ATRAID: variants seen among roughly 807,000 people sequenced by gnomAD.
ATRAID encodes the protein all-trans retinoic acid-induced differentiation factor.
A neutral mutation model predicts 28.8 loss-of-function variants in ATRAID; 26 were observed. The ratio of observed to expected loss-of-function variants is 0.90; its 90% CI spans 0.66 to 1.25. The LOEUF is 1.25. Among genes scored for constraint, ATRAID ranks in the 50% most tolerant of loss-of-function variants. ATRAID has a pLI of 0.00. For synonymous variants in ATRAID, 131 were observed against 108.5 expected, an observed-to-expected ratio of 1.21 and a Z score of -1.29; for missense variants, 308 against 285.9, an observed-to-expected ratio of 1.08 and a Z score of -0.56.
rs201498828 is a variant in ATRAID at position 27,212,400 on chromosome 2, C to T, written c.32C>T (p.Thr11Ile). Residue 11 changes from threonine (T) to isoleucine (I), a missense_variant, in exon 1 of 7, where the codon ACC becomes ATC. Thr to Ile is a moderately conservative substitution (Grantham distance 89). Coordinates refer to ENST00000380171, the MANE Select transcript of ATRAID (RefSeq NM_001170795.4). ...CCTCACGACCCGGGTAGTCTTACGA[C>T]CCTGGTGCCCTGGGCTGCCGCCCTG... Reference protein sequence around the residue: MAPHDPGSLTTLVPWAAALLL... With the variant: MAPHDPGSLTILVPWAAALLL... The T allele has an allele frequency of 1.2e-3, 1,795 of 1,551,496 alleles. 16 individuals are homozygous for T. The Middle Eastern group carries it at 0.029, about 25-fold the overall frequency.
At chr2:27,212,705 G>A (rs970066599) in intron 1 of ATRAID, 11 of 1,288,114 alleles carry the variant, frequency 8.5e-6, no homozygotes, top group Middle Eastern at 2.8e-4. Context: ...CTTAATTTTA[G>A]AATAACTTTA....
At position 27,214,015 on chromosome 2, in the gene ATRAID, G is replaced by A. The variant is rs537066274; in HGVS notation, c.221+717G>A. Among the ~76,000 whole-genome samples, 5 of 152,098 alleles carry A rather than the reference G, an allele frequency of 3.3e-5. No individual in the cohort carries two copies. The East Asian group carries it at 7.7e-4, about 23-fold the overall frequency. On this transcript the variant is annotated intron_variant, in intron 2 of 6. Coordinates refer to ENST00000380171, the MANE Select transcript of ATRAID (RefSeq NM_001170795.4). The stretch of plus-strand genomic sequence containing the variant: ...GGCTGGAATGCAATGGCATGATCTC[G>A]GCTCACCGCGCCCTCCACCTCCTGG...
chr2:27,213,303 G>A lies in ATRAID; in HGVS notation c.221+5G>A. The stretch of plus-strand genomic sequence containing the variant: ...TCAGAAGGGCACCATCTTGGGGTGA[G>A]GGGAAGACATCCCTAGATGCTGGAT... On this transcript the variant is annotated splice_donor_5th_base_variant and intron_variant, in intron 2 of 6. Transcript: ENST00000380171. 2 of 1,612,486 alleles carry A rather than the reference G, an allele frequency of 1.2e-6. No individual in the cohort carries two copies. Among genetic ancestry groups the A allele is most frequent in the Non-Finnish European group, 1.7e-6 (2 of 1,178,706 alleles).
intron 2 of ATRAID, among the ~76,000 whole-genome samples, chr2:27,214,909 T>C (rs1674763838): frequency 6.6e-6 from 1 of 152,160 alleles, no homozygotes; most frequent in Non-Finnish European, 1.5e-5. Flanking sequence ...ACGTGGTTAT[T>C]CCATTTGCAC....
Position 27,215,648 on chromosome 2 carries a change from G to C in ATRAID, c.382G>C (p.Val128Leu), listed in dbSNP as rs776772424. 18 of 1,614,116 alleles carry C rather than the reference G, an allele frequency of 1.1e-5. No individual in the cohort carries two copies. The highest frequency in any genetic ancestry group is 8.9e-5 in the East Asian group (4 of 44,900). Residue 128 changes from valine (V) to leucine (L), a missense_variant, in exon 5 of 7, where the codon GTC becomes CTC. Coordinates refer to ENST00000380171, the MANE Select transcript of ATRAID (RefSeq NM_001170795.4). ...QLQTLILPQH[V>L]NCPGGINAWN... ...TCTCTATAGGATACTGCCACAACAT[G>C]TCAACTGTCCTGGAGGAATTAATGC...
rs1297804423 is a variant in ATRAID at position 27,215,750 on chromosome 2, C to G, written c.484C>G (p.Pro162Ala). The change falls in exon 5 of 7, where the codon CCA becomes GCA. Residue 162 changes from proline (P) to alanine (A), a missense_variant. Physicochemically the swap from Pro to Ala is conservative, Grantham distance 27. Transcript: ENST00000380171. ...GAACCTTTGCAATAACACTGGGGAC[C>G]CAGGTATGCTGTCTTACCTCCAAAC... The part of the protein sequence containing the change: ...QKNLCNNTGD[P>A]EMCPENGSCV... 1.2e-6 allele frequency: 2 copies of G among 1,613,978 alleles called. No homozygotes were observed. The highest frequency in any genetic ancestry group is 3.3e-5 in the Admixed American group (2 of 59,986).
At chr2:27,213,583 C>T (rs1674704800) in intron 2 of ATRAID, 1 of 289,052 alleles carries the variant, frequency 3.5e-6, no homozygotes. Context: ...CTTCATCTAC[C>T]TAAATACTTC....
chr2:27,216,618 C>T lies in ATRAID; in HGVS notation c.583C>T (p.Gln195Ter). Residue 195 changes from glutamine (Q) to a stop codon, truncating the protein, a stop_gained and splice_region_variant, in exon 6 of 7, where the codon CAG becomes TAG. Transcript: ENST00000380171. LOFTEE classifies it high-confidence loss of function. ...TTTCCATGGATACAAGTGTATGCGC[C>T]AGGTGAGGAATTAGGCCGTCTAACT... ...DGFHGYKCMR[Q>*]GSFSLLMFFG... The T allele has an allele frequency of 3.7e-6, 6 of 1,612,688 alleles. No individual in the cohort carries two copies. The highest frequency in any genetic ancestry group is 5.1e-6 in the Non-Finnish European group (6 of 1,178,752).
In ATRAID at chr2:27,212,137, G is replaced by T. The variant is rs1045601830; in HGVS notation, c.-232G>T. 20 of 1,517,810 alleles carry T rather than the reference G, an allele frequency of 1.3e-5. 1 individual carries two copies. Among genetic ancestry groups the T allele is most frequent in the African/African-American group, 1.3e-4 (9 of 69,936 alleles). The allele number at this position is 1,517,810 out of a possible 1,614,324, so 94.0% of individuals were successfully genotyped here. ...TCCGGGAAGCCGCGCGGCGACGGGG[G>T]AGGCCTTCACTAAAGGGGAAAAGGA... On this transcript the variant is annotated 5_prime_UTR_variant, in exon 1 of 7. Transcript: ENST00000380171.
chr2:27,212,601 C>G (rs952192986), intron 1 of ATRAID, 134 bp downstream of exon 1: 1 of 1,438,800 alleles, frequency 7.0e-7, no homozygotes, highest in African/African-American at 1.5e-5. Flanking sequence ...CGACCCTGCC[C>G]AGCCAGGTCC....
At chr2:27,214,788 G>A (rs1246893696) in intron 2 of ATRAID, among the ~76,000 whole-genome samples, 1 of 152,130 alleles carries the variant, frequency 6.6e-6, no homozygotes, top group Non-Finnish European at 1.5e-5. Context: ...GGAGATGGAG[G>A]TTGCAGTGAG....
chr2:27,213,415 C>T, intron 2 of ATRAID, 117 bp downstream of exon 2: 6 of 1,303,490 alleles, frequency 4.6e-6, no homozygotes, highest in Non-Finnish European at 6.1e-6. Flanking sequence ...AATCATCACG[C>T]AGATGTCTAC....
rs769887840 is a variant in ATRAID at position 27,215,749 on chromosome 2, C to A, written c.483C>A (p.Asp161Glu). The A allele has an allele frequency of 1.9e-6, 3 of 1,614,022 alleles. No homozygotes were observed. The highest frequency in any genetic ancestry group is 1.7e-5 in the Admixed American group (1 of 59,996). The change falls in exon 5 of 7, where the codon GAC becomes GAA. Residue 161 changes from aspartate (D) to glutamate (E), a missense_variant. Coordinates refer to ENST00000380171, the MANE Select transcript of ATRAID (RefSeq NM_001170795.4). ...GQKNLCNNTG[D>E]PEMCPENGSC... The stretch of plus-strand genomic sequence containing the variant: ...AGAACCTTTGCAATAACACTGGGGA[C>A]CCAGGTATGCTGTCTTACCTCCAAA...
intron 1 of ATRAID, 123 bp from the exon 2 acceptor site, chr2:27,213,054 C>T (rs1471765062): frequency 8.1e-7 from 1 of 1,227,974 alleles, no homozygotes; most frequent in Non-Finnish European, 1.1e-6. Flanking sequence ...AGCCGTTTAT[C>T]CATTTATCGG....
chr2:27,212,402 C>G lies in ATRAID; in HGVS notation c.34C>G (p.Leu12Val), dbSNP rs981369967. 1.7e-5 allele frequency: 27 copies of G among 1,551,666 alleles called. No homozygotes were observed. The highest frequency in any genetic ancestry group is 2.6e-6 in the Non-Finnish European group (3 of 1,147,722). Residue 12 changes from leucine (L) to valine (V), a missense_variant, in exon 1 of 7, where the codon CTG becomes GTG. Coordinates refer to ENST00000380171, the MANE Select transcript of ATRAID (RefSeq NM_001170795.4). Reference sequence around the variant, plus strand: ...TCACGACCCGGGTAGTCTTACGACCCTGGTGCCCTGGGCTGCCGCCCTGCT... The same window carrying G: ...TCACGACCCGGGTAGTCTTACGACCGTGGTGCCCTGGGCTGCCGCCCTGCT... ...APHDPGSLTTLVPWAAALLLA... is the reference protein window; with the variant it reads ...APHDPGSLTTVVPWAAALLLA...
rs1558522691 is a variant in ATRAID, at chr2:27,216,615, CGCCAGGTGAGGAATTAG to C, written c.584_585+15del. On this transcript the variant is annotated splice_donor_variant and splice_donor_5th_base_variant and coding_sequence_variant and intron_variant, in exon 6 of 7. Coordinates refer to ENST00000380171, the MANE Select transcript of ATRAID (RefSeq NM_001170795.4). LOFTEE classifies it high-confidence loss of function. ...TGGTTTCCATGGATACAAGTGTATGCGCCAGGTGAGGAATTAGGCCGTCTAACTAGGGATACAAGGAA... is the reference window on the plus strand; with the variant it reads ...TGGTTTCCATGGATACAAGTGTATGCGCCGTCTAACTAGGGATACAAGGAA... The C allele has an allele frequency of 1.2e-6, 2 of 1,613,108 alleles. No individual in the cohort carries two copies. The highest frequency in any genetic ancestry group is 2.2e-5 in the South Asian group (2 of 91,064).
chr2:27,213,135 G>A (rs1397397080), intron 1 of ATRAID, 42 bp from the exon 2 acceptor site: 2 of 1,594,030 alleles, frequency 1.3e-6, no homozygotes, highest in Non-Finnish European at 1.7e-6. Flanking sequence ...TCTTTTCTTG[G>A]CTTTTCTTTC....
intron 2 of ATRAID, 88 bp downstream of exon 2, chr2:27,213,386 C>G (rs1463252866): frequency 2.0e-6 from 3 of 1,482,352 alleles, no homozygotes; most frequent in Non-Finnish European, 2.7e-6. Context: ...AAGAATCCAC[C>G]TATTATGGTT....
rs1044925737 is a variant in ATRAID at position 27,213,090 on chromosome 2, CGT to C, written c.100-84_100-83del. ...CCCCGTGTTAGAGGAATTCTGGAAA[CGT>C]GTACTGGCAGTTAATTCTTGATCGC... On this transcript the variant is annotated intron_variant, in intron 1 of 6. Transcript: ENST00000380171. 1.8e-5 allele frequency: 27 copies of C among 1,520,392 alleles called. No homozygotes were observed. In the African/African-American group the frequency reaches 2.5e-4, roughly 14 times the overall value. 94.2% of individuals were successfully genotyped at this position (1,520,392 alleles called of 1,614,324 possible).
Sources: allele counts gnomAD v4.1 joint callset (sites outside exome capture counted in the v4.1 genomes callset), GRCh38; gene constraint gnomAD v4.1.1; transcripts MANE v1.5; gene names NCBI Gene and HGNC (gene_info 2026-07-23, HGNC 2026-07-21).